Variants in CACNA1C observed in about 807,000 individuals in gnomAD.
The protein encoded by CACNA1C is calcium voltage-gated channel subunit alpha1 C.
CACNA1C carries 30 observed loss-of-function variants against 229.0 expected under a neutral mutation model. That is an observed-to-expected ratio of 0.13 (90% CI 0.10 to 0.18). The LOEUF (loss-of-function observed/expected upper bound fraction) is 0.18. Among genes scored for constraint, CACNA1C ranks in the 10% least tolerant of loss-of-function variants. The pLI, the probability that CACNA1C is intolerant of heterozygous loss-of-function variation, is 1.00. For synonymous variants in CACNA1C, 1,114 were observed against 1,132.5 expected (o/e 0.98, Z 0.33); for missense variants, 1,658 against 2,845.0 (o/e 0.58, Z 9.49).
At chr12:2,387,076 T>G (rs1354261264) in intron 3 of CACNA1C, among the ~76,000 whole-genome samples, 2 of 152,230 alleles carry the variant, frequency 1.3e-5, no homozygotes, top group Admixed American at 1.3e-4. Context: ...CCATTCATTA[T>G]TCATTCAATA....
chr12:2,627,013 T>A (rs966550982), intron 29 of CACNA1C, among the ~76,000 whole-genome samples: 7 of 152,194 alleles, frequency 4.6e-5, no homozygotes, highest in Non-Finnish European at 1.0e-4. Context: ...GTGTGCATTC[T>A]AAGGAGTGTG....
chr12:2,063,058 C>T (rs1351447901), intron 1 of CACNA1C, among the ~76,000 whole-genome samples: 2 of 152,126 alleles, frequency 1.3e-5, no homozygotes, highest in African/African-American at 4.8e-5. Flanking sequence ...CATTGGTAGT[C>T]ACTTTTCATT....
chr12:2,607,273 A>G (rs1427975739), intron 26 of CACNA1C, 143 bp downstream of exon 26: 3 of 773,766 alleles, frequency 3.9e-6, no homozygotes, highest in Non-Finnish European at 6.1e-6. Context: ...AGTGAGGTGT[A>G]TTTCTAGAAC....
intron 3 of CACNA1C, among the ~76,000 whole-genome samples, chr12:2,311,927 T>C (rs2095457318): frequency 6.6e-6 from 1 of 152,204 alleles, no homozygotes; most frequent in Non-Finnish European, 1.5e-5. Context: ...GTGTTATGTA[T>C]ATTTTATCCC....
chr12:2,259,365 G>A (rs1264329136), intron 3 of CACNA1C, among the ~76,000 whole-genome samples: 1 of 152,148 alleles, frequency 6.6e-6, no homozygotes, highest in East Asian at 1.9e-4. Context: ...CTCTTTATTT[G>A]GATCATAACT....
chr12:2,043,816 C>T lies in CACNA1C; in HGVS notation c.140-71408C>T, dbSNP rs966532301. Among the ~76,000 whole-genome samples, 8 of 136,326 alleles carry T rather than the reference C, an allele frequency of 5.9e-5. 1 individual carries two copies. The highest frequency in any genetic ancestry group is 1.4e-4 in the Admixed American group (2 of 14,170). The allele number at this position is 136,326 out of a possible 152,430, so 89.4% of individuals were successfully genotyped here. On this transcript the variant is annotated intron_variant, in intron 1 of 46. Transcript: ENST00000682462. ...GACTACAGGCGCCCGCCATTGCGCCCGGCTAATTTTTTGTATTTTTAGTAG... is the reference window on the plus strand; with the variant it reads ...GACTACAGGCGCCCGCCATTGCGCCTGGCTAATTTTTTGTATTTTTAGTAG...
chr12:2,342,200 G>A (rs1427011717), intron 3 of CACNA1C, among the ~76,000 whole-genome samples: 2 of 152,178 alleles, frequency 1.3e-5, no homozygotes, highest in Non-Finnish European at 2.9e-5. Flanking sequence ...TCATTGCTGT[G>A]TTGAAGTTAC....
intron 3 of CACNA1C, among the ~76,000 whole-genome samples, chr12:2,303,667 T>G (rs2094764318): frequency 6.6e-6 from 1 of 151,910 alleles, no homozygotes. Flanking sequence ...GTGCTAGGGG[T>G]GAGGGCTTTC....
intron 1 of CACNA1C, among the ~76,000 whole-genome samples, chr12:2,093,066 A>G (rs1392022116): frequency 6.6e-6 from 1 of 152,208 alleles, no homozygotes; most frequent in East Asian, 1.9e-4. Context: ...CCGCTTTGGA[A>G]TGCCAGGCTG....
intron 3 of CACNA1C, among the ~76,000 whole-genome samples, chr12:2,437,127 G>A (rs866663671): frequency 6.6e-6 from 1 of 152,270 alleles, no homozygotes; most frequent in Non-Finnish European, 1.5e-5. Flanking sequence ...GCTAATGGAT[G>A]GAGAAGAGAA....
At chr12:1,977,440 C>T (rs1228876284) in intron 1 of CACNA1C, among the ~76,000 whole-genome samples, 1 of 152,202 alleles carries the variant, frequency 6.6e-6, no homozygotes. Flanking sequence ...AAAGCTTTGT[C>T]TTATGCATTC....
intron 5 of CACNA1C, among the ~76,000 whole-genome samples, chr12:2,460,338 C>T (rs1225839255): frequency 6.6e-6 from 1 of 152,220 alleles, no homozygotes; most frequent in Non-Finnish European, 1.5e-5. Context: ...TGTGCTGTAC[C>T]TGCAGAGAAG....
In CACNA1C at chr12:2,550,224, G is replaced by A. The variant is rs74053813; in HGVS notation, c.1481+191G>A. 0.042 allele frequency among the ~76,000 whole-genome samples: 6,355 copies of A among 152,262 alleles called. 418 individuals are homozygous for A. The highest frequency in any genetic ancestry group is 0.14 in the African/African-American group (5,990 of 41,506). ...CCCTGGGGTGAGGGTGGCCCTGGCC[G>A]GGGGTGAGTCTTAAAATCAAGGCTA... On this transcript the variant is annotated intron_variant, in intron 10 of 46. Transcript: ENST00000399655.
intron 3 of CACNA1C, among the ~76,000 whole-genome samples, chr12:2,341,427 C>CAA (rs1254758689): frequency 6.6e-6 from 1 of 152,190 alleles, no homozygotes; most frequent in African/African-American, 2.4e-5. Flanking sequence ...CAAGGCAGCC[C>CAA]AGGTGAGGCC....
intron 1 of CACNA1C, among the ~76,000 whole-genome samples, chr12:2,077,748 C>G (rs549542984): frequency 6.6e-6 from 1 of 152,084 alleles, no homozygotes; most frequent in Non-Finnish European, 1.5e-5. Context: ...AAAGAGCTTC[C>G]TGTTCAGAGA....
intron 3 of CACNA1C, among the ~76,000 whole-genome samples, chr12:2,311,016 C>T (rs2095410932): frequency 3.3e-5 from 5 of 152,192 alleles, no homozygotes; most frequent in Admixed American, 6.5e-5. Context: ...CTTCTCTAAA[C>T]CCTCATCCTA....
At chr12:2,507,506 G>A (rs576493722) in intron 8 of CACNA1C, among the ~76,000 whole-genome samples, 2 of 152,348 alleles carry the variant, frequency 1.3e-5, no homozygotes, top group Admixed American at 1.3e-4. Flanking sequence ...GGGTGCAGAT[G>A]TAGTTGACCA....
At chr12:2,619,051 C>T (rs949221476) in intron 29 of CACNA1C, among the ~76,000 whole-genome samples, 2 of 152,120 alleles carry the variant, frequency 1.3e-5, no homozygotes, top group Non-Finnish European at 2.9e-5. Flanking sequence ...TTTATGTCTT[C>T]GCTTCATCAT....
intron 1 of CACNA1C, among the ~76,000 whole-genome samples, chr12:2,009,279 A>G (rs10774012): frequency 0.35 from 53,189 of 152,142 alleles, 9,785 homozygotes; most frequent in East Asian, 0.51. Context: ...TTTTTATACC[A>G]TGGCAATGAC....
Sources: gnomAD v4.1 joint callset for allele counts (sites outside exome capture counted in the v4.1 genomes callset) on GRCh38, gnomAD v4.1.1 for gene constraint, MANE v1.5 for transcripts, NCBI Gene and HGNC (gene_info 2026-07-23, HGNC 2026-07-21) for gene names.